Variants in ZNF148 observed in about 807,000 individuals in gnomAD.
ZNF148 encodes the protein zinc finger protein 148, also known as Beta-Enolase Repressor Factor-1.
In ZNF148, 7 loss-of-function variants were observed where a neutral mutation model predicts 67.7. The observed-to-expected ratio is 0.10, with a 90% CI of 0.06 to 0.19. The LOEUF (loss-of-function observed/expected upper bound fraction) is 0.19, where lower values mean the gene tolerates loss of function less well. Ranked by LOEUF, ZNF148 falls within the 10% of genes least tolerant of loss-of-function variation. ZNF148 has a pLI of 1.00. For synonymous variants in ZNF148, 333 were observed against 330.7 expected, an observed-to-expected ratio of 1.01 and a Z score of -0.08; for missense variants, 583 against 947.1, an observed-to-expected ratio of 0.62 and a Z score of 5.05.
intron 7 of ZNF148, among the ~76,000 whole-genome samples, chr3:125,273,614 C>A (rs535993353): frequency 6.6e-6 from 1 of 151,936 alleles, no homozygotes; most frequent in East Asian, 1.9e-4. Flanking sequence ...CTGCCTCAGC[C>A]TCCCGAGTAG....
intron 4 of ZNF148, among the ~76,000 whole-genome samples, chr3:125,293,365 A>G (rs1939118541): frequency 6.6e-6 from 1 of 152,184 alleles, no homozygotes; most frequent in South Asian, 2.1e-4. Flanking sequence ...TAGTAGACAT[A>G]CATGTATTTT....
intron 1 of ZNF148, among the ~76,000 whole-genome samples, chr3:125,368,782 T>C (rs1375027761): frequency 6.6e-6 from 1 of 150,518 alleles, no homozygotes; most frequent in Admixed American, 6.6e-5. Flanking sequence ...CCATCTCTAC[T>C]AAAAAATACA....
At chr3:125,291,024 G>T (rs758865565) in intron 4 of ZNF148, among the ~76,000 whole-genome samples, 4 of 151,994 alleles carry the variant, frequency 2.6e-5, no homozygotes, top group Admixed American at 2.6e-4. Context: ...AATATAAATT[G>T]TACCTAAAAT....
chr3:125,247,373 T>TA (rs1936647439), intron 7 of ZNF148, among the ~76,000 whole-genome samples: 1 of 152,226 alleles, frequency 6.6e-6, no homozygotes, highest in South Asian at 2.1e-4. Flanking sequence ...CACATTTATA[T>TA]ACACTGTAAT....
At chr3:125,374,399 G>A (rs553015189) in intron 1 of ZNF148, among the ~76,000 whole-genome samples, 1 of 152,086 alleles carries the variant, frequency 6.6e-6, no homozygotes, top group Admixed American at 6.5e-5. Context: ...TGCTTCAAAC[G>A]CGATCCTTTC....
rs751998456 is a variant in ZNF148, at chr3:125,229,893, AG to A, written c.*2447del. On this transcript the variant is annotated 3_prime_UTR_variant, in exon 9 of 9. Transcript: ENST00000360647. Reference sequence around the variant, plus strand: ...CTCTGGTAGGCATTTGGAATTTCACAGTAAGAGAGTGATGACTATACGTAAA... The same window carrying A: ...CTCTGGTAGGCATTTGGAATTTCACATAAGAGAGTGATGACTATACGTAAA... 6.6e-6 allele frequency: 1 copy of A among 152,598 alleles called. No homozygotes were observed. The highest frequency in any genetic ancestry group is 1.5e-5 in the Non-Finnish European group (1 of 68,026). The allele number at this position is 152,598 out of a possible 1,614,324, so 9.5% of individuals were successfully genotyped here.
chr3:125,364,866 G>A (rs1299737146), intron 1 of ZNF148, among the ~76,000 whole-genome samples: 1 of 152,110 alleles, frequency 6.6e-6, no homozygotes, highest in Non-Finnish European at 1.5e-5. Context: ...CTACTTCCCA[G>A]CTTTATTTCC....
In ZNF148 at chr3:125,323,727, G is replaced by A. The variant is rs539156443; in HGVS notation, c.-152-283C>T. Among the ~76,000 whole-genome samples the A allele has an allele frequency of 1.1e-4, 17 of 152,182 alleles. 1 individual carries two copies. The East Asian group carries it at 1.9e-3, about 17-fold the overall frequency. ...TGTAATCCCAGCACTTTGGGAGGCCGAGGCAGGCGGATCACGAGGTCAGGA... is the reference window on the plus strand; with the variant it reads ...TGTAATCCCAGCACTTTGGGAGGCCAAGGCAGGCGGATCACGAGGTCAGGA... On this transcript the variant is annotated intron_variant, in intron 2 of 8. Coordinates refer to ENST00000360647, the MANE Select transcript of ZNF148 (RefSeq NM_021964.3).
At chr3:125,283,919 A>C (rs931952999) in intron 5 of ZNF148, among the ~76,000 whole-genome samples, 3 of 152,182 alleles carry the variant, frequency 2.0e-5, no homozygotes, top group Non-Finnish European at 2.9e-5. Context: ...CATAACTTTG[A>C]ATAATGAATT....
chr3:125,285,411 T>C (rs948084005), intron 5 of ZNF148, among the ~76,000 whole-genome samples: 2 of 152,136 alleles, frequency 1.3e-5, no homozygotes, highest in Admixed American at 6.6e-5. Context: ...TGGTTATATC[T>C]TAAAGTTCTA....
At chr3:125,273,470 C>CA (rs1456323020) in intron 7 of ZNF148, among the ~76,000 whole-genome samples, 2 of 148,172 alleles carry the variant, frequency 1.3e-5, no homozygotes, top group Admixed American at 6.7e-5. Flanking sequence ...TTAGTTTTTT[C>CA]AAAAATCTCT....
Position 125,371,475 on chromosome 3 carries a change from A to G in ZNF148, c.-234+3627T>C, listed in dbSNP as rs568530295. 3.3e-5 allele frequency among the ~76,000 whole-genome samples: 5 copies of G among 150,224 alleles called. No individual in the cohort carries two copies. In the South Asian group the frequency reaches 1.1e-3, roughly 32 times the overall value. ...AGGTCAGGAGATCGAGACCATCTAC[A>G]GTGAAACCCTGTCTCTACTAAAAAC... On this transcript the variant is annotated intron_variant, in intron 1 of 8. Transcript: ENST00000360647.
chr3:125,247,764 C>T (rs1157477133), intron 7 of ZNF148, among the ~76,000 whole-genome samples: 1 of 152,214 alleles, frequency 6.6e-6, no homozygotes, highest in East Asian at 1.9e-4. Context: ...GTGGCTTCCA[C>T]AGATTAGGTT....
At chr3:125,337,070 G>C (rs1049102388) in intron 1 of ZNF148, among the ~76,000 whole-genome samples, 1 of 151,144 alleles carries the variant, frequency 6.6e-6, no homozygotes, top group Non-Finnish European at 1.5e-5. Flanking sequence ...TAATTAGTGT[G>C]GTTACTGCAC....
At chr3:125,364,895 A>C (rs1481965664) in intron 1 of ZNF148, among the ~76,000 whole-genome samples, 1 of 152,160 alleles carries the variant, frequency 6.6e-6, no homozygotes, top group Non-Finnish European at 1.5e-5. Context: ...CTCAACATGA[A>C]CCCTAAATTA....
chr3:125,368,755 G>T (rs1942776242), intron 1 of ZNF148, among the ~76,000 whole-genome samples: 1 of 152,014 alleles, frequency 6.6e-6, no homozygotes, highest in South Asian at 2.1e-4. Context: ...CACCAGCCTG[G>T]CCAACACGGC....
chr3:125,305,791 C>CAAAAAAAA (rs778876630), intron 4 of ZNF148, among the ~76,000 whole-genome samples: 7 of 81,982 alleles, frequency 8.5e-5, no homozygotes, highest in Admixed American at 2.7e-4. Flanking sequence ...CCAGCACGGG[C>CAAAAAAAA]AAAAAAAAAA....
chr3:125,274,835 T>A (rs963725752), intron 7 of ZNF148, among the ~76,000 whole-genome samples: 1 of 152,170 alleles, frequency 6.6e-6, no homozygotes, highest in Non-Finnish European at 1.5e-5. Context: ...CATTACTCAT[T>A]TGACAATTTA....
At chr3:125,242,707 G>A (rs993329169) in intron 7 of ZNF148, among the ~76,000 whole-genome samples, 1 of 152,166 alleles carries the variant, frequency 6.6e-6, no homozygotes, top group African/African-American at 2.4e-5. Context: ...CAGAATGTGA[G>A]GTATGGACAA....
Sources: gnomAD v4.1 joint callset for allele counts (sites outside exome capture counted in the v4.1 genomes callset) on GRCh38, gnomAD v4.1.1 for gene constraint, MANE v1.5 for transcripts, NCBI Gene and HGNC (gene_info 2026-07-23, HGNC 2026-07-21) for gene names.